Variants in SLCO1A2 observed in about 807,000 individuals in gnomAD.
SLCO1A2 encodes solute carrier organic anion transporter family member 1A2.
SLCO1A2 carries 67 observed loss-of-function variants against 69.0 expected under a neutral mutation model. The ratio of observed to expected loss-of-function variants is 0.97; its 90% CI spans 0.80 to 1.19. SLCO1A2 has a LOEUF of 1.19. SLCO1A2 is among the 50% of genes most tolerant of loss of function. The probability of loss-of-function intolerance (pLI) is 0.00; values close to 1 mark genes in which losing one functional copy is unlikely to be tolerated. For synonymous variants in SLCO1A2, 260 were observed against 265.9 expected, an observed-to-expected ratio of 0.98 and a Z score of 0.22; for missense variants, 787 against 793.7, an observed-to-expected ratio of 0.99 and a Z score of 0.10.
At chr12:21,334,167 G>T (rs112996768) in intron 2 of SLCO1A2, among the ~76,000 whole-genome samples, 1 of 152,066 alleles carries the variant, frequency 6.6e-6, no homozygotes, top group Middle Eastern at 3.2e-3. Flanking sequence ...AAAGCTTAAA[G>T]AAAACATTTG....
chr12:21,319,371 C>T (rs1320482326), intron 2 of SLCO1A2: 1 of 1,367,950 alleles, frequency 7.3e-7, no homozygotes, highest in South Asian at 1.1e-5. Context: ...CCCCAGATTA[C>T]CTTGGCCGAC....
chr12:21,303,838 T>C (rs549339274), intron 6 of SLCO1A2, among the ~76,000 whole-genome samples: 18 of 152,196 alleles, frequency 1.2e-4, no homozygotes, highest in African/African-American at 4.1e-4. Context: ...AGAAACTGTA[T>C]AGAAACTAAG....
chr12:21,316,852 G>T (rs1346526125), intron 3 of SLCO1A2, among the ~76,000 whole-genome samples: 2 of 152,148 alleles, frequency 1.3e-5, no homozygotes, highest in Non-Finnish European at 2.9e-5. Context: ...TGACTGCAAT[G>T]TGAACATATA....
intron 2 of SLCO1A2, among the ~76,000 whole-genome samples, chr12:21,359,508 T>A (rs543173463): frequency 6.6e-6 from 1 of 152,084 alleles, no homozygotes; most frequent in African/African-American, 2.4e-5. Flanking sequence ...AACCTTGCAA[T>A]GAAATCCACC....
chr12:21,324,756 A>C (rs1403088343), intron 2 of SLCO1A2: 1 of 152,184 alleles, frequency 6.6e-6, no homozygotes, highest in Non-Finnish European at 1.5e-5. Flanking sequence ...GTTCACCTTG[A>C]ATTGCCATTC....
At chr12:21,289,070 A>C (rs572754113) in intron 12 of SLCO1A2, among the ~76,000 whole-genome samples, 22 of 152,046 alleles carry the variant, frequency 1.4e-4, no homozygotes, top group Admixed American at 1.4e-3. Context: ...TACAAATATA[A>C]ATCAGTTTAA....
intron 12 of SLCO1A2, among the ~76,000 whole-genome samples, chr12:21,284,484 C>G (rs1173697628): frequency 6.6e-6 from 1 of 151,912 alleles, no homozygotes; most frequent in Non-Finnish European, 1.5e-5. Context: ...AGGAATTGAA[C>G]TCAGCTCTGC....
chr12:21,321,406 C>T (rs1951605683), intron 2 of SLCO1A2, among the ~76,000 whole-genome samples: 1 of 152,202 alleles, frequency 6.6e-6, no homozygotes, highest in Admixed American at 6.5e-5. Flanking sequence ...TCTCCTCTAG[C>T]CTTGTCTACC....
intron 4 of SLCO1A2, among the ~76,000 whole-genome samples, chr12:21,313,992 A>AAAC (rs1205470385): frequency 9.3e-5 from 14 of 151,152 alleles, no homozygotes; most frequent in Admixed American, 8.6e-4. Flanking sequence ...TAAAAAAAAA[A>AAAC]AACAGAAAAA....
intron 12 of SLCO1A2, among the ~76,000 whole-genome samples, chr12:21,289,750 G>T (rs1023759116): frequency 4.1e-4 from 56 of 135,838 alleles, no homozygotes; most frequent in African/African-American, 1.6e-3. Flanking sequence ...CAGAAGCCCA[G>T]GGTAAAAAAA....
chr12:21,384,286 T>C (rs911747469), intron 1 of SLCO1A2, among the ~76,000 whole-genome samples: 4 of 151,836 alleles, frequency 2.6e-5, no homozygotes, highest in Non-Finnish European at 5.9e-5. Context: ...AAAAGGAAAA[T>C]AGAATAATGA....
Position 21,300,395 on chromosome 12 carries a change from T to A in SLCO1A2, c.863A>T (p.Asp288Val), listed in dbSNP as rs1292120656. 6.2e-7 allele frequency: 1 copy of A among 1,613,346 alleles called. No homozygotes were observed. Among genetic ancestry groups the A allele is most frequent in the South Asian group, 1.1e-5 (1 of 91,046 alleles). ...CTTCTTGACCTCTTCTTTTTGTTTG[T>A]CTTCATTTTCATTTTTAATGATGTC... ...NADIIKNENE[D>V]KQKEEVKKEK... The change falls in exon 8 of 15, where the codon GAC becomes GTC. Residue 288 changes from aspartate (D) to valine (V), a missense_variant. By Grantham distance (152) the Asp-to-Val change is radical. Coordinates refer to ENST00000683939, the MANE Select transcript of SLCO1A2 (RefSeq NM_001386879.1).
At chr12:21,278,371 G>A (rs1314234177) in intron 12 of SLCO1A2, among the ~76,000 whole-genome samples, 1 of 152,086 alleles carries the variant, frequency 6.6e-6, no homozygotes, top group Non-Finnish European at 1.5e-5. Context: ...CTGGATGATT[G>A]TAGAGTTGGG....
At chr12:21,290,116 TTATA>T (rs1946613783) in intron 12 of SLCO1A2, among the ~76,000 whole-genome samples, 1 of 151,900 alleles carries the variant, frequency 6.6e-6, no homozygotes, top group Non-Finnish European at 1.5e-5. Flanking sequence ...CATATATAAT[TTATA>T]TATTTATATA....
Position 21,341,996 on chromosome 12 carries a change from C to T in SLCO1A2, c.-62-7287G>A, listed in dbSNP as rs141937795. On this transcript the variant is annotated intron_variant, in intron 2 of 15. Transcript: ENST00000307378. ...ATGTGCATATGACTCACCTATCCTT[C>T]CCTTTGCCACTCAGCTGAATACCGT... Among the ~76,000 whole-genome samples the T allele has an allele frequency of 8.5e-4, 129 of 152,054 alleles. 3 individuals are homozygous for T. Among genetic ancestry groups the T allele is most frequent in the African/African-American group, 3.0e-3 (126 of 41,518 alleles).
chr12:21,398,580 A>G (rs1380603641), upstream of SLCO1A2, among the ~76,000 whole-genome samples: 1 of 152,116 alleles, frequency 6.6e-6, no homozygotes, highest in Non-Finnish European at 1.5e-5. Context: ...AAAAAAAGAG[A>G]TTCTTAGACC....
At chr12:21,419,607 T>G (rs1942051655), upstream of SLCO1A2, 1 of 165,894 alleles carries the variant, frequency 6.0e-6, no homozygotes, top group Non-Finnish European at 1.3e-5. Flanking sequence ...TACAGCAGTC[T>G]GAGATCAATC....
At chr12:21,362,149 G>C (rs533314516) in intron 2 of SLCO1A2, among the ~76,000 whole-genome samples, 94 of 152,218 alleles carry the variant, frequency 6.2e-4, no homozygotes, top group Non-Finnish European at 1.1e-3. Flanking sequence ...CAGAGAGAAA[G>C]GTCAGGTTAC....
At chr12:21,412,328 C>T (rs1175520787) in intron 1 of SLCO1A2, among the ~76,000 whole-genome samples, 1 of 151,898 alleles carries the variant, frequency 6.6e-6, no homozygotes, top group African/African-American at 2.4e-5. Context: ...TTGCAGTGAG[C>T]CGAGATTGCA....
Sources: gnomAD v4.1 joint callset for allele counts (sites outside exome capture counted in the v4.1 genomes callset) on GRCh38, gnomAD v4.1.1 for gene constraint, MANE v1.5 for transcripts, NCBI Gene and HGNC (gene_info 2026-07-23, HGNC 2026-07-21) for gene names.